Variants in ST6GAL2 observed in about 807,000 individuals in gnomAD.
ST6GAL2 encodes the protein beta-galactoside alpha-2,6-sialyltransferase 2.
ST6GAL2 carries 24 observed loss-of-function variants against 37.5 expected under a neutral mutation model. That is an observed-to-expected ratio of 0.64 (90% CI 0.46 to 0.90). The LOEUF (loss-of-function observed/expected upper bound fraction) is 0.90. ST6GAL2 is among the 40% of genes least tolerant of loss of function. The pLI, the probability that ST6GAL2 is intolerant of heterozygous loss-of-function variation, is 0.00. For missense variants in ST6GAL2, 715 were observed against 712.7 expected (o/e 1.00, Z -0.04); for synonymous variants, 306 against 295.1 (o/e 1.04, Z -0.38).
At chr2:106,846,782 C>T (rs1677160609) in intron 1 of ST6GAL2, among the ~76,000 whole-genome samples, 3 of 152,122 alleles carry the variant, frequency 2.0e-5, no homozygotes, top group East Asian at 1.9e-4. Flanking sequence ...AAGAAGCGAG[C>T]GTAGAAGAAT....
chr2:106,826,346 C>A (rs775300161), intron 5 of ST6GAL2, among the ~76,000 whole-genome samples: 12 of 152,122 alleles, frequency 7.9e-5, no homozygotes, highest in Non-Finnish European at 1.5e-5. Context: ...TGGCACTTCA[C>A]ATGTTGAAAG....
intron 5 of ST6GAL2, among the ~76,000 whole-genome samples, chr2:106,812,321 T>C (rs1425439130): frequency 6.6e-6 from 1 of 152,244 alleles, no homozygotes; most frequent in Non-Finnish European, 1.5e-5. Context: ...CAGTCTATGG[T>C]ATTTCTTATA....
At chr2:106,841,392 G>A (rs756275171) in intron 2 of ST6GAL2, among the ~76,000 whole-genome samples, 7 of 152,208 alleles carry the variant, frequency 4.6e-5, no homozygotes, top group Non-Finnish European at 1.0e-4. Flanking sequence ...CCCTAACAAC[G>A]CCTACTGTGA....
chr2:106,819,777 T>C (rs1675931807), intron 5 of ST6GAL2, among the ~76,000 whole-genome samples: 1 of 151,744 alleles, frequency 6.6e-6, no homozygotes, highest in East Asian at 1.9e-4. Flanking sequence ...ACATAATAAC[T>C]ATAACAACTT....
In ST6GAL2 at chr2:106,843,750, T is replaced by G. The variant is rs747254414; in HGVS notation, c.228A>C (p.Ala76=). ...GGTGGGCGCGGGGCAGCGCCTGGCG[T>G]GCGTCCAGGCCCCCAGGCGGGGAGG... ...HEPSPPGGLD[A]RQALPRAHPA... The change falls in exon 2 of 6, where the codon GCA becomes GCC. Residue 76 remains alanine, a synonymous_variant. Coordinates refer to ENST00000409382, the MANE Select transcript of ST6GAL2 (RefSeq NM_001142351.2). The G allele has an allele frequency of 1.9e-6, 3 of 1,611,262 alleles. No homozygotes were observed. The highest frequency in any genetic ancestry group is 2.2e-5 in the South Asian group (2 of 91,006).
chr2:106,823,558 C>G (rs552961272), intron 5 of ST6GAL2, among the ~76,000 whole-genome samples: 1 of 151,578 alleles, frequency 6.6e-6, no homozygotes, highest in Non-Finnish European at 1.5e-5. Flanking sequence ...CAAGAACACA[C>G]GATGTATGAG....
chr2:106,854,740 G>A (rs1267489016), intron 1 of ST6GAL2, among the ~76,000 whole-genome samples: 6 of 152,056 alleles, frequency 3.9e-5, no homozygotes, highest in African/African-American at 1.4e-4. Context: ...AAATAGTTGT[G>A]ACTGTCATTA....
Position 106,806,491 on chromosome 2 carries a change from C to A in ST6GAL2, c.*187G>T. 1 of 659,106 alleles carries A rather than the reference C, an allele frequency of 1.5e-6. No homozygotes were observed. Among genetic ancestry groups the A allele is most frequent in the Non-Finnish European group, 2.4e-6 (1 of 414,952 alleles). 40.8% of individuals were successfully genotyped at this position (659,106 alleles called of 1,614,324 possible). A position where few individuals can be genotyped will look rare whatever the true frequency, so the allele number is the denominator to read the frequency against. On this transcript the variant is annotated 3_prime_UTR_variant, in exon 6 of 6. Coordinates refer to ENST00000409382, the MANE Select transcript of ST6GAL2 (RefSeq NM_001142351.2). ...TTGAGCCTTATTTTTTTAAAAAAAC[C>A]ATTTCTATGTTCAAAGCAGTAATAC...
chr2:106,856,613 T>C (rs1350321613), intron 1 of ST6GAL2, among the ~76,000 whole-genome samples: 1 of 152,202 alleles, frequency 6.6e-6, no homozygotes, highest in Non-Finnish European at 1.5e-5. Flanking sequence ...CTTCACATCC[T>C]ATGATTGAGG....
chr2:106,845,264 T>C (rs1677096764), intron 1 of ST6GAL2, among the ~76,000 whole-genome samples: 1 of 152,174 alleles, frequency 6.6e-6, no homozygotes, highest in East Asian at 1.9e-4. Flanking sequence ...GTGGAGGGTC[T>C]GGAGTGCCTA....
intron 1 of ST6GAL2, among the ~76,000 whole-genome samples, chr2:106,860,166 C>T (rs1038807823): frequency 4.6e-5 from 7 of 152,150 alleles, no homozygotes; most frequent in African/African-American, 1.7e-4. Flanking sequence ...TTTCTCTCTA[C>T]CTCTCTTGGA....
At chr2:106,828,548 A>C (rs1242439012) in intron 5 of ST6GAL2, among the ~76,000 whole-genome samples, 1 of 152,160 alleles carries the variant, frequency 6.6e-6, no homozygotes, top group Non-Finnish European at 1.5e-5. Context: ...TTATATGTAA[A>C]ATATTTCACA....
At chr2:106,835,141 A>G (rs946194927) in intron 2 of ST6GAL2, among the ~76,000 whole-genome samples, 3 of 152,242 alleles carry the variant, frequency 2.0e-5, no homozygotes, top group Admixed American at 1.3e-4. Flanking sequence ...CTGAAGCCAG[A>G]GTCAGTGAGC....
At chr2:106,823,444 C>A (rs1451052192) in intron 5 of ST6GAL2, among the ~76,000 whole-genome samples, 4 of 61,930 alleles carry the variant, frequency 6.5e-5, no homozygotes, top group Non-Finnish European at 1.2e-4. Flanking sequence ...CAGCAGAAAA[C>A]ACACACACAC....
At chr2:106,837,353 G>A (rs1007912869) in intron 2 of ST6GAL2, among the ~76,000 whole-genome samples, 1 of 152,128 alleles carries the variant, frequency 6.6e-6, no homozygotes, top group Non-Finnish European at 1.5e-5. Flanking sequence ...GCCCTGACTT[G>A]TGCTAAGAAG....
At chr2:106,880,663 TG>T (rs1678712741) in intron 1 of ST6GAL2, among the ~76,000 whole-genome samples, 1 of 152,376 alleles carries the variant, frequency 6.6e-6, no homozygotes, top group South Asian at 2.1e-4. Flanking sequence ...TAAACATTTT[TG>T]TTGGTTTCTC....
chr2:106,864,275 A>G (rs1271860921), intron 1 of ST6GAL2, among the ~76,000 whole-genome samples: 2 of 152,160 alleles, frequency 1.3e-5, no homozygotes, highest in Non-Finnish European at 2.9e-5. Flanking sequence ...AAGCCTATGC[A>G]AGGGTTGTTT....
At chr2:106,875,820 GGATA>G (rs1372104752) in intron 1 of ST6GAL2, among the ~76,000 whole-genome samples, 2 of 152,120 alleles carry the variant, frequency 1.3e-5, no homozygotes, top group African/African-American at 4.8e-5. Flanking sequence ...ATTATAATTG[GGATA>G]GAAATATATC....
At chr2:106,820,086 A>G (rs1314807543) in intron 5 of ST6GAL2, among the ~76,000 whole-genome samples, 1 of 152,088 alleles carries the variant, frequency 6.6e-6, no homozygotes, top group Non-Finnish European at 1.5e-5. Flanking sequence ...AGAATCAGAA[A>G]ACAACAAAAT....
Sources: allele counts gnomAD v4.1 joint callset (sites outside exome capture counted in the v4.1 genomes callset), GRCh38; gene constraint gnomAD v4.1.1; transcripts MANE v1.5; gene names NCBI Gene and HGNC (gene_info 2026-07-23, HGNC 2026-07-21).